The following LSAMP variants were observed in gnomAD, a reference collection of about 807,000 sequenced individuals.
LSAMP encodes limbic system-associated membrane protein.
A neutral mutation model predicts 38.6 loss-of-function variants in LSAMP; 7 were observed. That is an observed-to-expected ratio of 0.18 (90% CI 0.10 to 0.34). The LOEUF (loss-of-function observed/expected upper bound fraction) is 0.34. LSAMP is among the 10% of genes least tolerant of loss of function. LSAMP has a pLI of 1.00. For missense variants in LSAMP, 313 were observed against 420.0 expected, an observed-to-expected ratio of 0.75 and a Z score of 2.23; for synonymous variants, 154 against 166.8, an observed-to-expected ratio of 0.92 and a Z score of 0.59.
At chr3:116,284,301 A>G (rs531801140) in intron 1 of LSAMP, among the ~76,000 whole-genome samples, 125 of 152,264 alleles carry the variant, frequency 8.2e-4, no homozygotes, top group African/African-American at 2.9e-3. Context: ...GTTCTATGCC[A>G]AAAAATAATG....
intron 2 of LSAMP, among the ~76,000 whole-genome samples, chr3:116,070,813 G>A (rs959101068): frequency 3.3e-5 from 5 of 152,056 alleles, no homozygotes; most frequent in South Asian, 2.1e-4. Flanking sequence ...GGCCAAGGTG[G>A]GCGGATCACC....
chr3:115,858,032 G>C (rs1328065307), intron 3 of LSAMP, among the ~76,000 whole-genome samples: 2 of 152,008 alleles, frequency 1.3e-5, no homozygotes, highest in African/African-American at 4.8e-5. Flanking sequence ...GGTCAACCAG[G>C]CATTTGTAAA....
At chr3:116,386,341 C>T (rs2048626375) in intron 1 of LSAMP, among the ~76,000 whole-genome samples, 1 of 152,154 alleles carries the variant, frequency 6.6e-6, no homozygotes, top group Non-Finnish European at 1.5e-5. Context: ...TTTATATCTC[C>T]TACCTCCAAA....
At chr3:116,178,116 T>TGC (rs1411628049) in intron 1 of LSAMP, among the ~76,000 whole-genome samples, 3 of 151,838 alleles carry the variant, frequency 2.0e-5, no homozygotes, top group Non-Finnish European at 4.4e-5. Context: ...TGTGTGTGTG[T>TGC]GTGTACATGT....
chr3:116,185,881 G>T (rs1445682616), intron 1 of LSAMP, among the ~76,000 whole-genome samples: 1 of 141,190 alleles, frequency 7.1e-6, no homozygotes, highest in African/African-American at 2.7e-5. Context: ...AGGCGGGAAG[G>T]AGGAAAAAGA....
At chr3:116,414,268 C>T (rs1236612161) in intron 1 of LSAMP, among the ~76,000 whole-genome samples, 1 of 151,902 alleles carries the variant, frequency 6.6e-6, no homozygotes, top group East Asian at 1.9e-4. Context: ...TTTTTCTTTC[C>T]CTAAAATACC....
intron 3 of LSAMP, among the ~76,000 whole-genome samples, chr3:115,944,821 T>A (rs559534578): frequency 3.9e-5 from 6 of 152,196 alleles, no homozygotes; most frequent in Admixed American, 2.6e-4. Flanking sequence ...TTAACCTCTA[T>A]GGTATAGCGC....
chr3:116,218,078 CT>C (rs1297846381), intron 1 of LSAMP, among the ~76,000 whole-genome samples: 1 of 152,056 alleles, frequency 6.6e-6, no homozygotes, highest in Non-Finnish European at 1.5e-5. Flanking sequence ...GATCCGTGGT[CT>C]TGGTACTCAG....
chr3:116,203,385 TTTTATTTA>T (rs150984829), intron 1 of LSAMP, among the ~76,000 whole-genome samples: 6 of 151,178 alleles, frequency 4.0e-5, no homozygotes, highest in Non-Finnish European at 5.9e-5. Context: ...TCAAATTTCT[TTTTATTTA>T]TTTATTTTTT....
chr3:116,248,323 A>T (rs2046629533), intron 1 of LSAMP, among the ~76,000 whole-genome samples: 1 of 152,142 alleles, frequency 6.6e-6, no homozygotes, highest in Non-Finnish European at 1.5e-5. Flanking sequence ...AATTTTAGGT[A>T]GCTATCATAT....
At chr3:116,161,482 A>T (rs1301962163) in intron 1 of LSAMP, among the ~76,000 whole-genome samples, 1 of 152,186 alleles carries the variant, frequency 6.6e-6, no homozygotes, top group East Asian at 1.9e-4. Flanking sequence ...GTATGCCATT[A>T]GATGATGTGG....
chr3:115,991,301 G>A (rs1283296352), intron 3 of LSAMP, among the ~76,000 whole-genome samples: 1 of 152,020 alleles, frequency 6.6e-6, no homozygotes, highest in Non-Finnish European at 1.5e-5. Flanking sequence ...CCTACAGTAT[G>A]TAGATTTTAC....
chr3:116,258,352 AT>A (rs1466582486), intron 1 of LSAMP, among the ~76,000 whole-genome samples: 2 of 152,038 alleles, frequency 1.3e-5, no homozygotes, highest in Non-Finnish European at 2.9e-5. Context: ...CCAACAACTT[AT>A]TTAAATATGG....
chr3:115,822,161 T>C (rs989930321), intron 6 of LSAMP, among the ~76,000 whole-genome samples: 1 of 152,164 alleles, frequency 6.6e-6, no homozygotes, highest in African/African-American at 2.4e-5. Flanking sequence ...TTTGATATTC[T>C]CCCATGTATG....
intron 1 of LSAMP, among the ~76,000 whole-genome samples, chr3:116,245,945 A>AAGGT (rs1341127795): frequency 6.6e-6 from 1 of 152,214 alleles, no homozygotes; most frequent in African/African-American, 2.4e-5. Context: ...AGTAGGCCAA[A>AAGGT]AGGTAGGTGG....
At chr3:115,928,590 A>C (rs968974102) in intron 3 of LSAMP, among the ~76,000 whole-genome samples, 80 of 152,262 alleles carry the variant, frequency 5.3e-4, no homozygotes, top group African/African-American at 1.9e-3. Flanking sequence ...GCATATTGTG[A>C]ATCTCTAGAG....
At position 115,958,364 on chromosome 3, in the gene LSAMP, A is replaced by G. The variant is rs183246469; in HGVS notation, c.514+61151T>C. Among the ~76,000 whole-genome samples the G allele has an allele frequency of 5.9e-5, 9 of 152,330 alleles. 1 individual carries two copies. In the East Asian group the frequency reaches 1.2e-3, roughly 20 times the overall value. ...GATTACAAATAACTATAGGGTAAAGATCATTTATTTAAGGCTCTTTGACAG... is the reference window on the plus strand; with the variant it reads ...GATTACAAATAACTATAGGGTAAAGGTCATTTATTTAAGGCTCTTTGACAG... On this transcript the variant is annotated intron_variant, in intron 3 of 6. Coordinates refer to ENST00000490035, the MANE Select transcript of LSAMP (RefSeq NM_002338.5).
intron 1 of LSAMP, among the ~76,000 whole-genome samples, chr3:116,227,915 C>T (rs1005177508): frequency 6.6e-5 from 10 of 152,256 alleles, no homozygotes; most frequent in Middle Eastern, 3.4e-3. Flanking sequence ...ACATTCTACA[C>T]TTGTCTAATT....
chr3:116,238,852 C>CTT (rs5852001), intron 1 of LSAMP, among the ~76,000 whole-genome samples: 23 of 149,966 alleles, frequency 1.5e-4, no homozygotes, highest in East Asian at 3.9e-4. Context: ...ACATGGTTAT[C>CTT]TTTTTTTTTT....
Sources: allele counts gnomAD v4.1 joint callset (sites outside exome capture counted in the v4.1 genomes callset), GRCh38; gene constraint gnomAD v4.1.1; transcripts MANE v1.5; gene names NCBI Gene and HGNC (gene_info 2026-07-23, HGNC 2026-07-21).